The following LRRC75B variants were observed in gnomAD, a reference collection of about 807,000 sequenced individuals.
LRRC75B encodes the protein leucine rich repeat containing 75B, also known as leucine-rich repeat-containing protein 75B.
In LRRC75B, 20 loss-of-function variants were observed where a neutral mutation model predicts 16.5. The observed-to-expected ratio is 1.21, with a 90% CI of 0.85 to 1.76. LRRC75B has a LOEUF of 1.76. Ranked by LOEUF, LRRC75B falls within the 40% of genes most tolerant of loss-of-function variation. LRRC75B has a pLI of 0.00. For synonymous variants in LRRC75B, 199 were observed against 198.1 expected (o/e 1.00, Z -0.04); for missense variants, 406 against 417.0 (o/e 0.97, Z 0.23).
chr22:24,589,669 C>T, intron 2 of LRRC75B, 152 bp downstream of exon 2: 3 of 879,816 alleles, frequency 3.4e-6, no homozygotes, highest in Non-Finnish European at 5.0e-6. Context: ...TATACTGATG[C>T]TGGCAGCAGG....
In LRRC75B at chr22:24,586,419, A is replaced by G. The variant is rs2045394959; in HGVS notation, c.423-8T>C. On this transcript the variant is annotated splice_polypyrimidine_tract_variant and splice_region_variant and intron_variant, in intron 3 of 3. Coordinates refer to ENST00000318753, the MANE Select transcript of LRRC75B (RefSeq NM_207644.3). Reference sequence around the variant, plus strand: ...TGGAGGCTGCTCTTGAGGCTATGGGAGAGTGGCAGGTGGGGATGGACTAGG... The same window carrying G: ...TGGAGGCTGCTCTTGAGGCTATGGGGGAGTGGCAGGTGGGGATGGACTAGG... 6.2e-7 allele frequency: 1 copy of G among 1,603,532 alleles called. No individual in the cohort carries two copies. Among genetic ancestry groups the G allele is most frequent in the Non-Finnish European group, 8.5e-7 (1 of 1,173,584 alleles).
chr22:24,589,966 G>A lies in LRRC75B; in HGVS notation c.178-17C>T. 1.9e-6 allele frequency: 3 copies of A among 1,572,124 alleles called. No homozygotes were observed. Among genetic ancestry groups the A allele is most frequent in the Non-Finnish European group, 2.6e-6 (3 of 1,159,200 alleles). On this transcript the variant is annotated splice_polypyrimidine_tract_variant and intron_variant, in intron 1 of 3. Coordinates refer to ENST00000318753, the MANE Select transcript of LRRC75B (RefSeq NM_207644.3). Reference sequence around the variant, plus strand: ...GCCCAGGTCCTGTGAGTGGTGAAGAGAGAGTTGAGTGAGCCCGTTGGGTCT... The same window carrying A: ...GCCCAGGTCCTGTGAGTGGTGAAGAAAGAGTTGAGTGAGCCCGTTGGGTCT...
rs1156560673 is a variant in LRRC75B at position 24,588,257 on chromosome 22, G to T, written c.379C>A (p.Gln127Lys). 6.2e-7 allele frequency: 1 copy of T among 1,613,466 alleles called. No homozygotes were observed. The highest frequency in any genetic ancestry group is 1.3e-5 in the African/African-American group (1 of 74,912). Reference protein sequence around the residue: ...LIYHLTPHSKQQQGSSLRQRK... With the variant: ...LIYHLTPHSKKQQGSSLRQRK... Reference sequence around the variant, plus strand: ...TGGCGCAGGCTGGACCCTTGCTGCTGCTTCGAGTGAGGGGTGAGGTGGTAG... The same window carrying T: ...TGGCGCAGGCTGGACCCTTGCTGCTTCTTCGAGTGAGGGGTGAGGTGGTAG... The change falls in exon 3 of 4, where the codon CAG becomes AAG. Residue 127 changes from glutamine to lysine, a missense_variant. Gln to Lys is a moderately conservative substitution (Grantham distance 53). Coordinates refer to ENST00000318753, the MANE Select transcript of LRRC75B (RefSeq NM_207644.3).
Position 24,585,968 on chromosome 22 carries a change from G to A in LRRC75B, c.866C>T (p.Ala289Val), listed in dbSNP as rs1359597166. 6.2e-7 allele frequency: 1 copy of A among 1,609,884 alleles called. No individual in the cohort carries two copies. The highest frequency in any genetic ancestry group is 8.5e-7 in the Non-Finnish European group (1 of 1,179,722). The change falls in exon 4 of 4, where the codon GCC becomes GTC. Residue 289 changes from alanine (A) to valine (V), a missense_variant. Coordinates refer to ENST00000318753, the MANE Select transcript of LRRC75B (RefSeq NM_207644.3). ...GGTGGAGGCAGGGGTGGTGGCCCCG[G>A]CCGCACTGCCCTCAGGCTCAAGGTC... ...GLDLEPEGSA[A>V]GATTPASTWD...
intron 2 of LRRC75B, chr22:24,589,341 T>C (rs954431480): frequency 7.8e-6 from 9 of 1,152,674 alleles, no homozygotes; most frequent in Non-Finnish European, 9.9e-6. Flanking sequence ...CCAGCTGTTG[T>C]AGGGGAAAGC....
Position 24,586,452 on chromosome 22 carries a change from G to A in LRRC75B, c.423-41C>T, listed in dbSNP as rs373358711. On this transcript the variant is annotated intron_variant, in intron 3 of 3. Transcript: ENST00000318753. Reference sequence around the variant, plus strand: ...AGGTGGGGATGGACTAGGCAACCAGGCAGTCCCCCCACTGACCACAGACAG... The same window carrying A: ...AGGTGGGGATGGACTAGGCAACCAGACAGTCCCCCCACTGACCACAGACAG... The A allele has an allele frequency of 1.1e-5, 18 of 1,575,180 alleles. No individual in the cohort carries two copies. The African/African-American group carries it at 2.4e-4, about 21-fold the overall frequency.
Position 24,592,946 on chromosome 22 carries a change from CCCGGCGCTCGTAGGGCGCGGGCCCGCAG to C in LRRC75B, c.66_93del (p.Pro25GlyfsTer58). On this transcript the variant is annotated frameshift_variant, in exon 1 of 4. Transcript: ENST00000318753. LOFTEE classifies it high-confidence loss of function. ...GACTGGATCTCGCGGAGCCACCGCA[CCCGGCGCTCGTAGGGCGCGGGCCCGCAG>C]CCGGCCGCCGCCCCGGCCTCAGAGC... The C allele has an allele frequency of 2.4e-6, 3 of 1,225,956 alleles. No individual in the cohort carries two copies. Among genetic ancestry groups the C allele is most frequent in the Middle Eastern group, 6.3e-4 (2 of 3,150 alleles). The allele number at this position is 1,225,956 out of a possible 1,614,324, so 75.9% of individuals were successfully genotyped here.
In LRRC75B at chr22:24,585,978, C is replaced by T. The variant is rs767825007; in HGVS notation, c.856G>A (p.Gly286Ser). The stretch of plus-strand genomic sequence containing the variant: ...GGGGTGGTGGCCCCGGCCGCACTGC[C>T]CTCAGGCTCAAGGTCCAGGCCCTCG... ...IYEGLDLEPE[G>S]SAAGATTPAS... The change falls in exon 4 of 4, where the codon GGC becomes AGC. Residue 286 changes from glycine to serine, a missense_variant. Gly to Ser is a moderately conservative substitution (Grantham distance 56). Transcript: ENST00000318753. 6.2e-7 allele frequency: 1 copy of T among 1,610,452 alleles called. No homozygotes were observed. Among genetic ancestry groups the T allele is most frequent in the Non-Finnish European group, 8.5e-7 (1 of 1,179,828 alleles).
intron 1 of LRRC75B, among the ~76,000 whole-genome samples, chr22:24,590,901 C>G (rs1387652511): frequency 6.6e-6 from 1 of 152,188 alleles, no homozygotes; most frequent in Non-Finnish European, 1.5e-5. Flanking sequence ...CCCCAGCTCA[C>G]CTAGTCATCC....
In LRRC75B at chr22:24,589,893, G is replaced by A; in HGVS notation, c.234C>T (p.Phe78=). 1 of 1,613,746 alleles carries A rather than the reference G, an allele frequency of 6.2e-7. No individual in the cohort carries two copies. Among genetic ancestry groups the A allele is most frequent in the South Asian group, 1.1e-5 (1 of 90,970 alleles). The change falls in exon 2 of 4, where the codon TTC becomes TTT. Residue 78 remains phenylalanine (F), a synonymous_variant. Coordinates refer to ENST00000318753, the MANE Select transcript of LRRC75B (RefSeq NM_207644.3). The part of the protein sequence containing the change: ...LPDILYRDVA[F]LNPVDPISHD... Reference sequence around the variant, plus strand: ...GGGAGATGGGGTCGACCGGGTTGAGGAAGGCCACATCTCTGTAGAGGATAT... The same window carrying A: ...GGGAGATGGGGTCGACCGGGTTGAGAAAGGCCACATCTCTGTAGAGGATAT...
At position 24,588,196 on chromosome 22, in the gene LRRC75B, T is replaced by C; in HGVS notation, c.422+18A>G. ...TTGGAGCAGCAGTGAGGAGGGGCAGTGGCTGGGCTACCCTTACCAGCTCTG... is the reference window on the plus strand; with the variant it reads ...TTGGAGCAGCAGTGAGGAGGGGCAGCGGCTGGGCTACCCTTACCAGCTCTG... On this transcript the variant is annotated intron_variant, in intron 3 of 3. Transcript: ENST00000318753. 1 of 1,588,494 alleles carries C rather than the reference T, an allele frequency of 6.3e-7. No homozygotes were observed. The highest frequency in any genetic ancestry group is 2.2e-5 in the East Asian group (1 of 44,648).
intron 2 of LRRC75B, chr22:24,589,421 G>C: frequency 9.9e-7 from 1 of 1,011,970 alleles, no homozygotes; most frequent in Non-Finnish European, 1.2e-6. Context: ...CTCTAGCCGA[G>C]AGCGGCTCTC....
At chr22:24,589,406 G>A (rs993161775) in intron 2 of LRRC75B, 3 of 1,054,702 alleles carry the variant, frequency 2.8e-6, no homozygotes, top group East Asian at 1.0e-4. Flanking sequence ...GCGGACAGAC[G>A]GGGGCTCTAG....
At chr22:24,587,057 C>A (rs1476495602) in intron 3 of LRRC75B, among the ~76,000 whole-genome samples, 1 of 152,232 alleles carries the variant, frequency 6.6e-6, no homozygotes, top group Non-Finnish European at 1.5e-5. Flanking sequence ...TCCATGGCCA[C>A]ACACCACTAA....
chr22:24,591,565 G>A (rs1205055167), intron 1 of LRRC75B, among the ~76,000 whole-genome samples: 1 of 152,240 alleles, frequency 6.6e-6, no homozygotes, highest in Non-Finnish European at 1.5e-5. Flanking sequence ...TGCAGGTTAT[G>A]GAGCAGGATA....
intron 2 of LRRC75B, 179 bp downstream of exon 2, chr22:24,589,642 G>T: frequency 1.4e-6 from 1 of 719,352 alleles, no homozygotes; most frequent in Non-Finnish European, 2.2e-6. Flanking sequence ...ACTTGCTCTA[G>T]CTGGTGGCCA....
At chr22:24,586,608 G>A (rs577404294) in intron 3 of LRRC75B, among the ~76,000 whole-genome samples, 197 bp from the exon 4 acceptor site, 1 of 152,330 alleles carries the variant, frequency 6.6e-6, no homozygotes, top group South Asian at 2.1e-4. Flanking sequence ...CTCGGCTTAC[G>A]GCAACCTCTG....
intron 1 of LRRC75B, among the ~76,000 whole-genome samples, chr22:24,590,296 T>TA (rs113259804): frequency 0.019 from 2,849 of 150,288 alleles, 87 homozygotes; most frequent in African/African-American, 0.065. Flanking sequence ...CTCAGCTAAT[T>TA]AAAAAAAAAA....
intron 2 of LRRC75B, chr22:24,589,326 T>C: frequency 8.5e-7 from 1 of 1,170,226 alleles, no homozygotes. Flanking sequence ...GCCTTGCTTA[T>C]GACCCCAGCT....
Sources: gnomAD v4.1 joint callset for allele counts (sites outside exome capture counted in the v4.1 genomes callset) on GRCh38, gnomAD v4.1.1 for gene constraint, MANE v1.5 for transcripts, NCBI Gene and HGNC (gene_info 2026-07-23, HGNC 2026-07-21) for gene names.